Variants in COPG2 observed in about 807,000 individuals in gnomAD.
COPG2 encodes the protein coatomer subunit gamma-2.
COPG2 carries 37 observed loss-of-function variants against 46.3 expected under a neutral mutation model. The ratio of observed to expected loss-of-function variants is 0.80; its 90% CI spans 0.61 to 1.05. The LOEUF (loss-of-function observed/expected upper bound fraction) is 1.05. COPG2 is among the 50% of genes least tolerant of loss of function. The pLI is 0.00. For missense variants in COPG2, 427 were observed against 387.8 expected (o/e 1.10, Z -0.85); for synonymous variants, 159 against 129.7 (o/e 1.23, Z -1.53).
intron 20 of COPG2, among the ~76,000 whole-genome samples, chr7:130,540,272 G>A (rs1022070111): frequency 9.2e-5 from 14 of 152,130 alleles, no homozygotes; most frequent in East Asian, 1.9e-4. Context: ...TAAATCCACC[G>A]AAAGAAGTAA....
intron 9 of COPG2, among the ~76,000 whole-genome samples, chr7:130,591,224 G>A (rs1794412203): frequency 7.3e-6 from 1 of 136,230 alleles, no homozygotes; most frequent in Non-Finnish European, 1.6e-5. Flanking sequence ...ACTGGGAAGT[G>A]AGGACCCCTC....
chr7:130,597,990 T>C (rs1013896659), intron 9 of COPG2, among the ~76,000 whole-genome samples: 5 of 152,068 alleles, frequency 3.3e-5, no homozygotes, highest in African/African-American at 4.8e-5. Context: ...TGGCAAACAA[T>C]GGGACAGACA....
intron 14 of COPG2, among the ~76,000 whole-genome samples, chr7:130,554,185 T>A (rs1048175605): frequency 4.6e-5 from 7 of 152,018 alleles, no homozygotes; most frequent in Admixed American, 2.6e-4. Flanking sequence ...CGCTTAAAAA[T>A]ATATATATAG....
chr7:130,550,572 T>C lies in COPG2; in HGVS notation c.1726A>G (p.Met576Val), dbSNP rs1165043225. 2.5e-6 allele frequency: 1 copy of C among 398,242 alleles called. No homozygotes were observed. Among genetic ancestry groups the C allele is most frequent in the Non-Finnish European group, 4.4e-6 (1 of 225,952 alleles). 24.7% of individuals were successfully genotyped at this position (398,242 alleles called of 1,614,324 possible). A position where few individuals can be genotyped will look rare whatever the true frequency, so the allele number is the denominator to read the frequency against. The change falls in exon 17 of 24, where the codon ATG becomes GTG. Residue 576 changes from methionine (M) to valine (V), a missense_variant. Met to Val is a conservative substitution (Grantham distance 21, BLOSUM62 1). Coordinates refer to ENST00000425248, the MANE Select transcript of COPG2 (RefSeq NM_012133.6). ...TLEPSEKPFD[M>V]KSIPLAMAPV... is the part of the protein sequence containing the mutation. ...GCCATAGCAAGAGGAATTGATTTCA[T>C]GTCAAACGGTTTTTCTGAAGGCTCC...
intron 2 of COPG2, 60 bp downstream of exon 2, chr7:130,667,422 C>T: frequency 1.4e-6 from 2 of 1,386,302 alleles, no homozygotes. Flanking sequence ...CAGGGATTCT[C>T]TGCCCACCAC....
At chr7:130,629,178 C>CT (rs869220128) in intron 5 of COPG2, among the ~76,000 whole-genome samples, 4 of 151,492 alleles carry the variant, frequency 2.6e-5, no homozygotes, top group Admixed American at 6.6e-5. Flanking sequence ...ATGTTTTGTC[C>CT]TTTTTTGGGG....
chr7:130,641,294 C>G (rs1455013083), intron 5 of COPG2, among the ~76,000 whole-genome samples: 1 of 151,240 alleles, frequency 6.6e-6, no homozygotes, highest in Non-Finnish European at 1.5e-5. Flanking sequence ...GAAAAGGCAA[C>G]AGAATAATTC....
At chr7:130,623,715 G>A (rs1418845594) in intron 5 of COPG2, among the ~76,000 whole-genome samples, 3 of 152,164 alleles carry the variant, frequency 2.0e-5, no homozygotes, top group Non-Finnish European at 2.9e-5. Flanking sequence ...CTCTGGGCAT[G>A]GTGGTGCATG....
At chr7:130,535,743 G>A (rs1458250722) in intron 20 of COPG2, among the ~76,000 whole-genome samples, 2 of 148,596 alleles carry the variant, frequency 1.3e-5, no homozygotes, top group Non-Finnish European at 3.0e-5. Flanking sequence ...TTGGGGTGGG[G>A]TGAAGTGGGC....
intron 20 of COPG2, among the ~76,000 whole-genome samples, chr7:130,534,278 A>C (rs1419282056): frequency 6.6e-6 from 1 of 152,100 alleles, no homozygotes; most frequent in Admixed American, 6.5e-5. Context: ...CACAGAAACC[A>C]CCGGCAGGGA....
chr7:130,547,655 C>T lies in COPG2; in HGVS notation c.2149+19G>A, dbSNP rs1171755402. On this transcript the variant is annotated intron_variant, in intron 20 of 23. Coordinates refer to ENST00000425248, the MANE Select transcript of COPG2 (RefSeq NM_012133.6). ...ATGCATTCTGAATCACGTATCTCCT[C>T]CCTTCTGAGGGTTAGTACCTGCTGT... is the stretch of plus-strand genomic sequence containing the variant. The T allele has an allele frequency of 7.5e-6, 3 of 398,474 alleles. No homozygotes were observed. In the Admixed American group the frequency reaches 1.3e-4, roughly 18 times the overall value. The allele number at this position is 398,474 out of a possible 1,614,324, so 24.7% of individuals were successfully genotyped here.
At chr7:130,605,777 C>T (rs1554451141) in intron 9 of COPG2, 1 of 519,686 alleles carries the variant, frequency 1.9e-6, no homozygotes, top group South Asian at 1.4e-5. Context: ...ACTCCACCAA[C>T]ATCTTCACTT....
intron 9 of COPG2, chr7:130,604,616 C>T (rs1794695808): frequency 5.0e-6 from 2 of 399,476 alleles, no homozygotes; most frequent in Non-Finnish European, 9.7e-6. Flanking sequence ...CATATTATCT[C>T]CAAATATAGT....
intron 20 of COPG2, among the ~76,000 whole-genome samples, chr7:130,526,337 T>C (rs1799774383): frequency 6.6e-6 from 1 of 151,972 alleles, no homozygotes. Context: ...GGAGAAGAGA[T>C]GACTGAGCCC....
At chr7:130,645,068 C>CAAAAAAAAAAAAA (rs59544911) in intron 5 of COPG2, among the ~76,000 whole-genome samples, 1 of 113,458 alleles carries the variant, frequency 8.8e-6, no homozygotes. Context: ...ATCCCAAAAA[C>CAAAAAAAAAAAAA]AAAAAAAAAA....
At chr7:130,562,620 T>C (rs1461269637) in intron 11 of COPG2, among the ~76,000 whole-genome samples, 1 of 152,160 alleles carries the variant, frequency 6.6e-6, no homozygotes, top group African/African-American at 2.4e-5. Flanking sequence ...CTACCAGGCA[T>C]TTGAAAGGTG....
intron 4 of COPG2, among the ~76,000 whole-genome samples, chr7:130,657,832 G>T (rs1272038375): frequency 6.6e-6 from 1 of 152,036 alleles, no homozygotes; most frequent in Admixed American, 6.6e-5. Context: ...AAGTCACAAA[G>T]GGATACCATT....
chr7:130,621,277 C>T (rs1036846055), intron 5 of COPG2, among the ~76,000 whole-genome samples: 2 of 152,174 alleles, frequency 1.3e-5, no homozygotes, highest in Admixed American at 6.5e-5. Flanking sequence ...CTTCTAGCCT[C>T]CAGAACTGTA....
chr7:130,591,139 G>A (rs1222862645), intron 9 of COPG2, among the ~76,000 whole-genome samples: 2 of 129,760 alleles, frequency 1.5e-5, no homozygotes, highest in Non-Finnish European at 3.4e-5. Flanking sequence ...CGGAAGGGAG[G>A]TGGGGGGGGT....
Sources: gnomAD v4.1 joint callset for allele counts (sites outside exome capture counted in the v4.1 genomes callset) on GRCh38, gnomAD v4.1.1 for gene constraint, MANE v1.5 for transcripts, NCBI Gene and HGNC (gene_info 2026-07-23, HGNC 2026-07-21) for gene names.